The following NRXN1 variants were observed in gnomAD, a reference collection of about 807,000 sequenced individuals.
NRXN1 encodes the protein neurexin-1.
Under a neutral mutation model 150.9 loss-of-function variants are expected in NRXN1, and 39 were observed. That is an observed-to-expected ratio of 0.26 (90% CI 0.20 to 0.34). The LOEUF is 0.34. Ranked by LOEUF, NRXN1 falls within the 10% of genes least tolerant of loss-of-function variation. The probability of loss-of-function intolerance (pLI) is 1.00; values close to 1 mark genes in which losing one functional copy is unlikely to be tolerated. For synonymous variants in NRXN1, 924 were observed against 757.0 expected (o/e 1.22, Z -3.62); for missense variants, 1,815 against 1,949.9 (o/e 0.93, Z 1.30).
chr2:50,014,100 T>TTTTTG (rs1558693724), intron 21 of NRXN1, among the ~76,000 whole-genome samples: 2 of 151,654 alleles, frequency 1.3e-5, no homozygotes, highest in East Asian at 1.9e-4. Context: ...AGCTTGTTTT[T>TTTTTG]TTTTTGTTTT....
chr2:50,197,434 C>T (rs960953009), intron 18 of NRXN1, among the ~76,000 whole-genome samples: 21 of 152,052 alleles, frequency 1.4e-4, no homozygotes, highest in African/African-American at 4.8e-4. Context: ...ACTTTCTGCT[C>T]GAAATGTTGA....
intron 17 of NRXN1, among the ~76,000 whole-genome samples, chr2:50,453,047 G>C (rs920015425): frequency 6.6e-6 from 1 of 152,150 alleles, no homozygotes; most frequent in Non-Finnish European, 1.5e-5. Context: ...ATCCAAGATA[G>C]TATTAAAACC....
At chr2:50,235,021 G>A (rs940333432) in intron 18 of NRXN1, among the ~76,000 whole-genome samples, 2 of 152,186 alleles carry the variant, frequency 1.3e-5, no homozygotes, top group South Asian at 2.1e-4. Flanking sequence ...ACAGTGGTTT[G>A]AGTAATTCAA....
chr2:50,677,066 G>T (rs1689650932), intron 5 of NRXN1, among the ~76,000 whole-genome samples: 1 of 152,146 alleles, frequency 6.6e-6, no homozygotes, highest in Non-Finnish European at 1.5e-5. Context: ...TGCCAAGTAA[G>T]TATGAACTAT....
chr2:50,821,199 G>A (rs775942785), intron 5 of NRXN1, among the ~76,000 whole-genome samples: 3 of 152,240 alleles, frequency 2.0e-5, no homozygotes, highest in Non-Finnish European at 2.9e-5. Flanking sequence ...TCCAACCCAC[G>A]GCCCACAGGC....
At chr2:50,245,952 C>T (rs1026884468) in intron 17 of NRXN1, among the ~76,000 whole-genome samples, 3 of 151,652 alleles carry the variant, frequency 2.0e-5, no homozygotes, top group African/African-American at 4.8e-5. Flanking sequence ...AAGCTAAGCT[C>T]AAATGACTAA....
In NRXN1 at chr2:49,941,542, C is replaced by G. The variant is rs559921290; in HGVS notation, c.4216+2162G>C. ...AGCTGAGCTCACGAAGAAAAAGTGACAATTTTAAGTGCAATTAGTTACTGT... is the reference window on the plus strand; with the variant it reads ...AGCTGAGCTCACGAAGAAAAAGTGAGAATTTTAAGTGCAATTAGTTACTGT... On this transcript the variant is annotated intron_variant, in intron 22 of 22. Coordinates refer to ENST00000401669, the MANE Select transcript of NRXN1 (RefSeq NM_001330078.2). Among the ~76,000 whole-genome samples the G allele has an allele frequency of 2.8e-4, 42 of 151,952 alleles. No homozygotes were observed. The South Asian group carries it at 6.5e-3, about 23-fold the overall frequency.
intron 17 of NRXN1, among the ~76,000 whole-genome samples, chr2:50,329,613 GTGTGTATATATATATATA>G (rs2076642826): frequency 5.3e-5 from 1 of 18,694 alleles, no homozygotes; most frequent in African/African-American, 2.4e-4. Context: ...GTGTGTGTGT[GTGTGTATATATATATATA>G]TATATATATA....
chr2:50,099,056 A>G (rs1050971441), intron 18 of NRXN1, among the ~76,000 whole-genome samples: 1 of 151,962 alleles, frequency 6.6e-6, no homozygotes. Flanking sequence ...ATATGTCTCC[A>G]TCCTACAGGA....
chr2:50,678,170 A>G (rs1244086769), intron 5 of NRXN1, among the ~76,000 whole-genome samples: 1 of 152,138 alleles, frequency 6.6e-6, no homozygotes, highest in Admixed American at 6.6e-5. Context: ...TCACCATTCT[A>G]AACTAAGCAC....
At chr2:50,709,763 T>C (rs141445477) in intron 5 of NRXN1, among the ~76,000 whole-genome samples, 2 of 152,286 alleles carry the variant, frequency 1.3e-5, no homozygotes, top group African/African-American at 4.8e-5. Flanking sequence ...AATGAACTAT[T>C]CATTGGTTCA....
At chr2:50,511,529 T>A (rs2092451802) in intron 12 of NRXN1, among the ~76,000 whole-genome samples, 1 of 152,208 alleles carries the variant, frequency 6.6e-6, no homozygotes, top group Non-Finnish European at 1.5e-5. Flanking sequence ...TGATATTCAC[T>A]GGGTTTGCTG....
At chr2:50,257,071 C>G (rs371298002) in intron 17 of NRXN1, among the ~76,000 whole-genome samples, 1 of 151,822 alleles carries the variant, frequency 6.6e-6, no homozygotes, top group Non-Finnish European at 1.5e-5. Flanking sequence ...TTTTTTTAAC[C>G]TTATGAGGCA....
chr2:50,772,072 GT>G (rs1176373474), intron 5 of NRXN1, among the ~76,000 whole-genome samples: 9 of 152,042 alleles, frequency 5.9e-5, no homozygotes, highest in Admixed American at 4.6e-4. Flanking sequence ...GGTGACTGGA[GT>G]ACTGCCTGCT....
At chr2:50,577,723 C>T (rs553035729) in intron 8 of NRXN1, among the ~76,000 whole-genome samples, 17 of 152,006 alleles carry the variant, frequency 1.1e-4, no homozygotes, top group African/African-American at 3.9e-4. Context: ...CACACACACA[C>T]ACACACACAC....
intron 5 of NRXN1, among the ~76,000 whole-genome samples, chr2:50,696,526 C>T (rs1313904716): frequency 2.0e-5 from 3 of 152,096 alleles, no homozygotes; most frequent in African/African-American, 7.2e-5. Flanking sequence ...AAAGCCAAGG[C>T]AATGGGGTGA....
chr2:50,296,518 C>CTATTATTATTATTATTATTATTAT lies in NRXN1; in HGVS notation c.3365-59549_3365-59548insATAATAATAATAATAATAATAATA, dbSNP rs70946899. Among the ~76,000 whole-genome samples, 539 of 148,026 alleles carry CTATTATTATTATTATTATTATTAT rather than the reference C, an allele frequency of 3.6e-3. 2 individuals are homozygous for CTATTATTATTATTATTATTATTAT. Among genetic ancestry groups the CTATTATTATTATTATTATTATTAT allele is most frequent in the African/African-American group, 7.8e-3 (308 of 39,648 alleles). On this transcript the variant is annotated intron_variant, in intron 17 of 22. Transcript: ENST00000401669. ...TCCATGTGTACCCATTGCTTAGCTTCTATTATTATTATTATTATCATTATT... is the reference window on the plus strand; with the variant it reads ...TCCATGTGTACCCATTGCTTAGCTTCTATTATTATTATTATTATTATTATTATTATTATTATTATTATCATTATT...
At chr2:50,049,201 A>G (rs1355799634) in intron 21 of NRXN1, among the ~76,000 whole-genome samples, 1 of 152,154 alleles carries the variant, frequency 6.6e-6, no homozygotes, top group African/African-American at 2.4e-5. Flanking sequence ...TAATAATTAC[A>G]CTGAACATCA....
chr2:50,829,662 A>G (rs1052722802), intron 5 of NRXN1: 1 of 1,611,674 alleles, frequency 6.2e-7, no homozygotes, highest in Non-Finnish European at 8.5e-7. Flanking sequence ...GGACGGCATC[A>G]TAACAGGCTG....
Sources: allele counts gnomAD v4.1 joint callset (sites outside exome capture counted in the v4.1 genomes callset), GRCh38; gene constraint gnomAD v4.1.1; transcripts MANE v1.5; gene names NCBI Gene and HGNC (gene_info 2026-07-23, HGNC 2026-07-21).